Variants in SLCO3A1 observed in about 807,000 individuals in gnomAD.
SLCO3A1 encodes the protein PGE1 transporter.
In SLCO3A1, 27 loss-of-function variants were observed where a neutral mutation model predicts 63.1. That is an observed-to-expected ratio of 0.43 (90% CI 0.32 to 0.59). The LOEUF is 0.59. Among genes scored for constraint, SLCO3A1 ranks in the 20% least tolerant of loss-of-function variants. The pLI is 0.09. For synonymous variants in SLCO3A1, 473 were observed against 409.9 expected (o/e 1.15, Z -1.86); for missense variants, 773 against 945.8 (o/e 0.82, Z 2.40).
chr15:91,982,679 C>T (rs965813125), intron 2 of SLCO3A1, among the ~76,000 whole-genome samples: 2 of 152,220 alleles, frequency 1.3e-5, no homozygotes, highest in African/African-American at 2.4e-5. Flanking sequence ...AAGGAAGATG[C>T]GTGTCCTGGA....
At chr15:92,170,326 T>C (rs1229240607), downstream of SLCO3A1, among the ~76,000 whole-genome samples, 1 of 152,178 alleles carries the variant, frequency 6.6e-6, no homozygotes, top group Non-Finnish European at 1.5e-5. Context: ...GAAGCTCATG[T>C]TTTTATTAAG....
chr15:91,944,450 A>G (rs1009633309), intron 2 of SLCO3A1, among the ~76,000 whole-genome samples: 1 of 152,144 alleles, frequency 6.6e-6, no homozygotes, highest in South Asian at 2.1e-4. Flanking sequence ...TCTCAGTACC[A>G]GCTTCACAGA....
chr15:91,998,119 A>G (rs1482825123), intron 2 of SLCO3A1, among the ~76,000 whole-genome samples: 1 of 152,248 alleles, frequency 6.6e-6, no homozygotes, highest in East Asian at 1.9e-4. Context: ...ATCCAAAATT[A>G]ATAAGAAACT....
At position 92,003,756 on chromosome 15, in the gene SLCO3A1, G is replaced by A. The variant is rs527874495; in HGVS notation, c.646+87298G>A. ...TCCCCATGGAATTCATGGATACGGG[G>A]CCAGGATTACATGCACCACCAGCCA... On this transcript the variant is annotated intron_variant, in intron 2 of 9. Transcript: ENST00000318445. Among the ~76,000 whole-genome samples the A allele has an allele frequency of 1.0e-3, 153 of 152,306 alleles. 1 individual carries two copies. Among genetic ancestry groups the A allele is most frequent in the Non-Finnish European group, 1.7e-3 (115 of 68,018 alleles).
At chr15:92,137,233 T>C (rs1478226299) in intron 7 of SLCO3A1, among the ~76,000 whole-genome samples, 3 of 126,526 alleles carry the variant, frequency 2.4e-5, no homozygotes, top group African/African-American at 1.1e-4. Flanking sequence ...GTTTGGTTTT[T>C]TGTTCTTGTG....
intron 2 of SLCO3A1, among the ~76,000 whole-genome samples, chr15:92,081,382 G>A (rs1455431331): frequency 2.0e-5 from 3 of 150,738 alleles, no homozygotes; most frequent in South Asian, 2.1e-4. Flanking sequence ...ACAGAGTCTC[G>A]CTCTATTGCC....
intron 7 of SLCO3A1, among the ~76,000 whole-genome samples, chr15:92,140,826 T>G (rs1051094842): frequency 6.6e-6 from 1 of 152,248 alleles, no homozygotes; most frequent in Admixed American, 6.5e-5. Context: ...GTTTTCCATT[T>G]GCTTGGTAGA....
At chr15:92,122,438 T>A (rs2047873611) in intron 5 of SLCO3A1, among the ~76,000 whole-genome samples, 1 of 152,222 alleles carries the variant, frequency 6.6e-6, no homozygotes, top group Admixed American at 6.5e-5. Context: ...TCATGAGTCA[T>A]CAGAGAAATG....
At chr15:91,939,060 C>T (rs1192155928) in intron 2 of SLCO3A1, among the ~76,000 whole-genome samples, 1 of 152,056 alleles carries the variant, frequency 6.6e-6, no homozygotes, top group Non-Finnish European at 1.5e-5. Flanking sequence ...TAAAGAAATA[C>T]CTGAGACTCA....
At chr15:91,969,050 G>T (rs542309746) in intron 2 of SLCO3A1, among the ~76,000 whole-genome samples, 1 of 152,310 alleles carries the variant, frequency 6.6e-6, no homozygotes, top group African/African-American at 2.4e-5. Flanking sequence ...TTTTTGGTGT[G>T]ATTGTATCTG....
chr15:91,978,856 A>G (rs1028364596), intron 2 of SLCO3A1, among the ~76,000 whole-genome samples: 9 of 152,256 alleles, frequency 5.9e-5, no homozygotes, highest in Non-Finnish European at 8.8e-5. Context: ...CCACGGGCCA[A>G]ATCCTATTGA....
chr15:92,110,409 A>C (rs1436049424), intron 4 of SLCO3A1, among the ~76,000 whole-genome samples: 2 of 152,090 alleles, frequency 1.3e-5, no homozygotes, highest in African/African-American at 4.8e-5. Flanking sequence ...TAAGGTATGG[A>C]GACAAAGTCC....
At chr15:91,889,770 T>C (rs1217299109) in intron 1 of SLCO3A1, among the ~76,000 whole-genome samples, 1 of 152,268 alleles carries the variant, frequency 6.6e-6, no homozygotes, top group East Asian at 1.9e-4. Flanking sequence ...CCATAGGTTG[T>C]TTGAATGATT....
At chr15:92,011,679 G>A (rs2046370749) in intron 2 of SLCO3A1, among the ~76,000 whole-genome samples, 1 of 152,156 alleles carries the variant, frequency 6.6e-6, no homozygotes, top group Admixed American at 6.5e-5. Context: ...GTTATTTACT[G>A]ACTCACCTTC....
intron 2 of SLCO3A1, among the ~76,000 whole-genome samples, chr15:92,001,086 T>C (rs2046249208): frequency 6.6e-6 from 1 of 152,066 alleles, no homozygotes; most frequent in South Asian, 2.1e-4. Flanking sequence ...TTTCAGCCAT[T>C]CATTTCTAAG....
rs576201672 is a variant in SLCO3A1 at position 91,856,073 on chromosome 15, G to C, written c.180+1985G>C. Among the ~76,000 whole-genome samples, 2 of 152,102 alleles carry C rather than the reference G, an allele frequency of 1.3e-5. No individual in the cohort carries two copies. Among genetic ancestry groups the C allele is most frequent in the South Asian group, 4.2e-4 (2 of 4,818 alleles). ...GAAGCCGAGTACTCCTGGAGTGGTG[G>C]ACTTCTGGAGGCAGGGCTGGCCCCA... On this transcript the variant is annotated intron_variant, in intron 1 of 9. Coordinates refer to ENST00000318445, the MANE Select transcript of SLCO3A1 (RefSeq NM_013272.4). This position sits in a 1 kb window ranked among gnomAD's most constrained non-coding sequence, Gnocchi z 4.9.
chr15:92,162,389 A>T (rs2048450751), intron 9 of SLCO3A1: 1 of 189,708 alleles, frequency 5.3e-6, no homozygotes, highest in Non-Finnish European at 1.1e-5. Context: ...ATCTCAGGTG[A>T]TCCACCTGCT....
At chr15:92,069,335 G>A (rs1457771236) in intron 2 of SLCO3A1, among the ~76,000 whole-genome samples, 7 of 152,160 alleles carry the variant, frequency 4.6e-5, no homozygotes, top group African/African-American at 9.7e-5. Context: ...AGATAGATAC[G>A]CAGATAATTT....
intron 2 of SLCO3A1, among the ~76,000 whole-genome samples, chr15:91,964,741 T>C (rs535414603): frequency 6.7e-6 from 1 of 149,626 alleles, no homozygotes; most frequent in African/African-American, 2.5e-5. Flanking sequence ...TAAAATTAGA[T>C]AGTTTTTTTT....
Sources: gnomAD v4.1 joint callset for allele counts (sites outside exome capture counted in the v4.1 genomes callset) on GRCh38, gnomAD v4.1.1 for gene constraint, Gnocchi (gnomAD v3.1) non-coding constraint, MANE v1.5 for transcripts, NCBI Gene and HGNC (gene_info 2026-07-23, HGNC 2026-07-21) for gene names.